STAB1: variants seen among roughly 807,000 people sequenced by gnomAD.
STAB1 encodes stabilin-1.
STAB1 carries 250 observed loss-of-function variants against 332.4 expected under a neutral mutation model. That is an observed-to-expected ratio of 0.75 (90% CI 0.68 to 0.84). STAB1 has a LOEUF of 0.84. Ranked by LOEUF, STAB1 falls within the 40% of genes least tolerant of loss-of-function variation. STAB1 has a pLI of 0.00. For missense variants in STAB1, 3,249 were observed against 3,489.7 expected, an observed-to-expected ratio of 0.93 and a Z score of 1.74; for synonymous variants, 1,475 against 1,390.4, an observed-to-expected ratio of 1.06 and a Z score of -1.35.
chr3:52,507,879 G>T, intron 19 of STAB1, 52 bp from the exon 20 acceptor site: 2 of 1,568,544 alleles, frequency 1.3e-6, no homozygotes, highest in Non-Finnish European at 1.7e-6. Context: ...CCTAGCAAAG[G>T]GGCTGGCCCA....
At chr3:52,523,403 C>A (rs2079148145) in intron 64 of STAB1, 24 bp from the exon 65 acceptor site, 1 of 1,609,698 alleles carries the variant, frequency 6.2e-7, no homozygotes. Context: ...TGGCCCAGGC[C>A]AACAGGCCTT....
intron 22 of STAB1, 45 bp downstream of exon 22, chr3:52,509,366 C>A: frequency 6.4e-7 from 1 of 1,573,230 alleles, no homozygotes. Flanking sequence ...GAAAAAACGT[C>A]TGCCTAAAGA....
chr3:52,501,214 C>G lies in STAB1; in HGVS notation c.127C>G (p.Pro43Ala). The part of the protein sequence containing the change: ...DVKTTFVTHV[P>A]CTSCAAIKKQ... ...GAAAACCACGTTTGTCACTCATGTA[C>G]CCTGCACCTCGTGCGCGGCCATCAA... The change falls in exon 2 of 69, where the codon CCC becomes GCC. Residue 43 changes from proline (P) to alanine (A), a missense_variant. Coordinates refer to ENST00000321725, the MANE Select transcript of STAB1 (RefSeq NM_015136.3). 6.2e-7 allele frequency: 1 copy of G among 1,613,778 alleles called. No individual in the cohort carries two copies. Among genetic ancestry groups the G allele is most frequent in the Non-Finnish European group, 8.5e-7 (1 of 1,180,030 alleles).
chr3:52,515,278 G>T, intron 36 of STAB1, 145 bp from the exon 37 acceptor site: 2 of 898,192 alleles, frequency 2.2e-6, no homozygotes, highest in Non-Finnish European at 3.5e-6. Context: ...TCTCCCATCA[G>T]TCTGCCTGTC....
Position 52,508,264 on chromosome 3 carries a change from C to T in STAB1, c.2149-9C>T, listed in dbSNP as rs1369341681. Reference sequence around the variant, plus strand: ...AGATGGCCTCTTGGACCTGTTCTGTCTCTTATAGGAACAAGGCTGCTGCAA... The same window carrying T: ...AGATGGCCTCTTGGACCTGTTCTGTTTCTTATAGGAACAAGGCTGCTGCAA... On this transcript the variant is annotated splice_polypyrimidine_tract_variant and intron_variant, in intron 20 of 68. Coordinates refer to ENST00000321725, the MANE Select transcript of STAB1 (RefSeq NM_015136.3). 1 of 1,608,756 alleles carries T rather than the reference C, an allele frequency of 6.2e-7. No individual in the cohort carries two copies. The highest frequency in any genetic ancestry group is 8.5e-7 in the Non-Finnish European group (1 of 1,176,214).
At chr3:52,502,497 C>A in intron 5 of STAB1, 135 bp from the exon 6 acceptor site, 1 of 855,560 alleles carries the variant, frequency 1.2e-6, no homozygotes, top group Non-Finnish European at 1.8e-6. Context: ...CCTGTGGTCC[C>A]GCATCACAGC....
intron 21 of STAB1, 53 bp from the exon 22 acceptor site, chr3:52,509,157 G>T: frequency 6.6e-7 from 1 of 1,517,128 alleles, no homozygotes. Flanking sequence ...TGGGAGAGGG[G>T]ATGTAGAGAG....
At chr3:52,523,811 G>T in intron 66 of STAB1, 55 bp downstream of exon 66, 1 of 1,584,156 alleles carries the variant, frequency 6.3e-7, no homozygotes. Flanking sequence ...CAACCTGTGA[G>T]CCCGGGGAAG....
rs1709304205 is a variant in STAB1 at position 52,511,634 on chromosome 3, T to C, written c.2788-16T>C. 1.9e-6 allele frequency: 3 copies of C among 1,605,358 alleles called. No homozygotes were observed. The highest frequency in any genetic ancestry group is 2.6e-6 in the Non-Finnish European group (3 of 1,175,390). ...GCTCATCATGAGACAAGGCCGTCTG[T>C]TCCTAACCTTTCCAGAGCCGATGCA... is the stretch of plus-strand genomic sequence containing the variant. On this transcript the variant is annotated splice_polypyrimidine_tract_variant and intron_variant, in intron 25 of 68. Coordinates refer to ENST00000321725, the MANE Select transcript of STAB1 (RefSeq NM_015136.3).
rs1206217550 is a variant in STAB1 at position 52,515,043 on chromosome 3, C to T, written c.3862C>T (p.Gln1288Ter). 1 of 1,613,466 alleles carries T rather than the reference C, an allele frequency of 6.2e-7. No homozygotes were observed. The highest frequency in any genetic ancestry group is 1.1e-5 in the South Asian group (1 of 91,088). The change falls in exon 36 of 69, where the codon CAG becomes TAG. Residue 1288 changes from glutamine to a stop codon, truncating the protein, a stop_gained and splice_region_variant. Coordinates refer to ENST00000321725, the MANE Select transcript of STAB1 (RefSeq NM_015136.3). LOFTEE classifies it high-confidence loss of function. ...RFRCTQGFQLQDTPRKSCVYR... is the reference protein window; with the variant it reads ...RFRCTQGFQL ...CCGCTGCACTCAGGGCTTCCAGCTG[C>T]AGGTGAGACTGGGCTTAGCGCAGCT...
Position 52,505,090 on chromosome 3 carries a change from G to A in STAB1, c.1465G>A (p.Val489Met), listed in dbSNP as rs373323793. 11 of 1,613,552 alleles carry A rather than the reference G, an allele frequency of 6.8e-6. 1 individual carries two copies. The highest frequency in any genetic ancestry group is 3.3e-5 in the South Asian group (3 of 91,082). ...CATAGCAGCTAATGGCGTCTTCCAC[G>A]TGGTCACTGGCCTGCGGTGGCAGGC... Reference protein sequence around the residue: ...NNIAANGVFHVVTGLRWQAPS... With the variant: ...NNIAANGVFHMVTGLRWQAPS... The change falls in exon 13 of 69, where the codon GTG becomes ATG. Residue 489 changes from valine to methionine, a missense_variant. Coordinates refer to ENST00000321725, the MANE Select transcript of STAB1 (RefSeq NM_015136.3).
intron 1 of STAB1, 21 bp downstream of exon 1, chr3:52,495,512 G>A: frequency 3.0e-6 from 4 of 1,315,690 alleles, no homozygotes; most frequent in Non-Finnish European, 3.9e-6. Context: ...GCCAGTCGCA[G>A]GGGCACACGG....
At chr3:52,512,275 TG>T in intron 26 of STAB1, 65 bp from the exon 27 acceptor site, 3 of 1,482,650 alleles carry the variant, frequency 2.0e-6, no homozygotes, top group East Asian at 2.3e-5. Context: ...GGCAGAAAGA[TG>T]GGGGAGGGAG....
At position 52,501,161 on chromosome 3, in the gene STAB1, C is replaced by T; in HGVS notation, c.79-5C>T. On this transcript the variant is annotated splice_region_variant and splice_polypyrimidine_tract_variant and intron_variant, in intron 1 of 68. Coordinates refer to ENST00000321725, the MANE Select transcript of STAB1 (RefSeq NM_015136.3). ...CCCCTGACCACACCCTGCCTGTGGC[C>T]CCAGGTGCTGTTCAAAGGCTGTGAT... 6.2e-7 allele frequency: 1 copy of T among 1,612,240 alleles called. No homozygotes were observed. The highest frequency in any genetic ancestry group is 8.5e-7 in the Non-Finnish European group (1 of 1,178,898).
chr3:52,497,265 C>T (rs556614759), intron 1 of STAB1, among the ~76,000 whole-genome samples: 77 of 152,294 alleles, frequency 5.1e-4, no homozygotes, highest in South Asian at 2.1e-3. Flanking sequence ...GCTGGGATTA[C>T]AGGTGTGAGC....
chr3:52,497,296 TCA>T lies in STAB1; in HGVS notation c.78+1806_78+1807del, dbSNP rs1289244875. Among the ~76,000 whole-genome samples the T allele has an allele frequency of 5.3e-5, 8 of 151,382 alleles. No homozygotes were observed. The East Asian group carries it at 1.6e-3, about 30-fold the overall frequency. Reference sequence around the variant, plus strand: ...TGAGCCACCGTGCCCAACCCCATGTTCAGACTTTTCTATGTACATAGCATTTA... The same window carrying T: ...TGAGCCACCGTGCCCAACCCCATGTTGACTTTTCTATGTACATAGCATTTA... On this transcript the variant is annotated intron_variant, in intron 1 of 68. Coordinates refer to ENST00000321725, the MANE Select transcript of STAB1 (RefSeq NM_015136.3).
In STAB1 at chr3:52,517,542, G is replaced by A; in HGVS notation, c.4564-8G>A. On this transcript the variant is annotated splice_polypyrimidine_tract_variant and splice_region_variant and intron_variant, in intron 43 of 68. Transcript: ENST00000321725. The stretch of plus-strand genomic sequence containing the variant: ...CCCAGCAGCCCCACTGATCAAGACT[G>A]GGGACAGGTCTCCTGCAGCTGCCGT... 6.2e-7 allele frequency: 1 copy of A among 1,612,448 alleles called. No individual in the cohort carries two copies. Among genetic ancestry groups the A allele is most frequent in the Non-Finnish European group, 8.5e-7 (1 of 1,179,740 alleles).
chr3:52,518,845 C>T lies in STAB1; in HGVS notation c.5010C>T (p.His1670=), dbSNP rs767127401. 19 of 1,604,208 alleles carry T rather than the reference C, an allele frequency of 1.2e-5. No homozygotes were observed. Among genetic ancestry groups the T allele is most frequent in the Non-Finnish European group, 1.5e-5 (18 of 1,178,088 alleles). ...GGTACGCCACGGCCCTCTCAGGGCACCCACTGCGCTTCAGCGAGAGGGAGG... is the reference window on the plus strand; with the variant it reads ...GGTACGCCACGGCCCTCTCAGGGCATCCACTGCGCTTCAGCGAGAGGGAGG... ...EQGYATALSG[H]PLRFSEREGS... Residue 1670 remains histidine, a synonymous_variant, in exon 48 of 69, where the codon CAC becomes CAT. Transcript: ENST00000321725.
At chr3:52,504,576 G>A (rs757380821) in intron 11 of STAB1, 27 bp downstream of exon 11, 1 of 1,613,186 alleles carries the variant, frequency 6.2e-7, no homozygotes, top group Non-Finnish European at 8.5e-7. Context: ...GGTGGAGCTG[G>A]CCACTGGCCC....
Sources: allele counts gnomAD v4.1 joint callset (sites outside exome capture counted in the v4.1 genomes callset), GRCh38; gene constraint gnomAD v4.1.1; transcripts MANE v1.5; gene names NCBI Gene and HGNC (gene_info 2026-07-23, HGNC 2026-07-21).